The following FGF2 variants were observed in gnomAD, a reference collection of about 807,000 sequenced individuals.
FGF2 encodes basic fibroblast growth factor bFGF.
A neutral mutation model predicts 15.9 loss-of-function variants in FGF2; 13 were observed. The ratio of observed to expected loss-of-function variants is 0.82; its 90% CI spans 0.53 to 1.30. The LOEUF is 1.30. Among genes scored for constraint, FGF2 ranks in the 50% most tolerant of loss-of-function variants. The pLI is 0.00. For synonymous variants in FGF2, 90 were observed against 78.4 expected (o/e 1.15, Z -0.78); for missense variants, 163 against 196.9 (o/e 0.83, Z 1.03).
At position 122,827,039 on chromosome 4, in the gene FGF2, GC is replaced by G; in HGVS notation, c.-134del. The G allele has an allele frequency of 8.7e-7, 1 of 1,155,268 alleles. No homozygotes were observed. The highest frequency in any genetic ancestry group is 1.1e-6 in the Non-Finnish European group (1 of 939,526). The allele number at this position is 1,155,268 out of a possible 1,614,324, so 71.6% of individuals were successfully genotyped here. A position where few individuals can be genotyped will look rare whatever the true frequency, so the allele number is the denominator to read the frequency against. ...GGGACCGCGGGCGCGGCCGCGCGCT[GC>G]CGGGCGGGAGGCTGGGGGGCCGGGG... is the stretch of plus-strand genomic sequence containing the variant. On this transcript the variant is annotated 5_prime_UTR_variant, in exon 1 of 3. Coordinates refer to ENST00000644866, the MANE Select transcript of FGF2 (RefSeq NM_001361665.2). The surrounding 1 kb of genome is among the most constrained non-coding windows in gnomAD (Gnocchi z 4.2).
intron 2 of FGF2, among the ~76,000 whole-genome samples, chr4:122,885,431 A>C (rs1727036827): frequency 6.6e-6 from 1 of 152,226 alleles, no homozygotes; most frequent in South Asian, 2.1e-4. Flanking sequence ...ACAGGAATGC[A>C]TGAGGTGCTT....
intron 2 of FGF2, among the ~76,000 whole-genome samples, chr4:122,890,645 A>T (rs1315239673): frequency 6.6e-6 from 1 of 152,066 alleles, no homozygotes; most frequent in African/African-American, 2.4e-5. Flanking sequence ...TTGCCAATTA[A>T]TTTATGTTTT....
At chr4:122,858,202 G>T (rs1310861776) in intron 1 of FGF2, among the ~76,000 whole-genome samples, 1 of 152,016 alleles carries the variant, frequency 6.6e-6, no homozygotes, top group Non-Finnish European at 1.5e-5. Flanking sequence ...GTGTGGTTTT[G>T]GGCTTCTGGG....
chr4:122,836,605 GTC>G (rs1725871937), intron 1 of FGF2, among the ~76,000 whole-genome samples: 1 of 152,114 alleles, frequency 6.6e-6, no homozygotes, highest in Non-Finnish European at 1.5e-5. Flanking sequence ...TATTCTGAGG[GTC>G]TGAGGCTGAA....
intron 1 of FGF2, among the ~76,000 whole-genome samples, chr4:122,828,098 C>G (rs915041448): frequency 4.6e-5 from 7 of 152,320 alleles, no homozygotes; most frequent in African/African-American, 1.4e-4. Flanking sequence ...TACCTTGCAG[C>G]AGGCTTGAGG....
chr4:122,850,230 C>G (rs1190371049), intron 1 of FGF2, among the ~76,000 whole-genome samples: 2 of 151,358 alleles, frequency 1.3e-5, no homozygotes, highest in Admixed American at 1.3e-4. Context: ...CCACTGCACT[C>G]CATCCTGGGC....
At chr4:122,856,027 T>C (rs1391029475) in intron 1 of FGF2, among the ~76,000 whole-genome samples, 2 of 152,088 alleles carry the variant, frequency 1.3e-5, no homozygotes, top group Non-Finnish European at 2.9e-5. Flanking sequence ...CCACAGACCA[T>C]ATGTGTCTCT....
intron 1 of FGF2, among the ~76,000 whole-genome samples, chr4:122,870,175 G>A (rs987480529): frequency 6.6e-6 from 1 of 152,176 alleles, no homozygotes; most frequent in African/African-American, 2.4e-5. Flanking sequence ...GCATCCCAGG[G>A]ATGAAGTCGA....
chr4:122,858,797 T>C (rs987640492), intron 1 of FGF2, among the ~76,000 whole-genome samples: 3 of 151,906 alleles, frequency 2.0e-5, no homozygotes, highest in East Asian at 1.9e-4. Context: ...TGATGGCTGA[T>C]GGAAGAAAAA....
intron 2 of FGF2, 72 bp downstream of exon 2, chr4:122,876,496 T>G: frequency 6.4e-6 from 6 of 930,532 alleles, no homozygotes; most frequent in Non-Finnish European, 1.1e-5. Context: ...CATTGTTGTT[T>G]ATCAAATCTT....
chr4:122,836,131 T>C (rs1725861362), intron 1 of FGF2, among the ~76,000 whole-genome samples: 1 of 152,222 alleles, frequency 6.6e-6, no homozygotes, highest in South Asian at 2.1e-4. Flanking sequence ...GTTAGTGGTT[T>C]ATGTGTCTGG....
In FGF2 at chr4:122,893,444, T is replaced by G; in HGVS notation, c.*1048T>G. The G allele has an allele frequency of 2.3e-6, 1 of 439,684 alleles. No individual in the cohort carries two copies. Among genetic ancestry groups the G allele is most frequent in the Non-Finnish European group, 3.9e-6 (1 of 255,180 alleles). 27.2% of individuals were successfully genotyped at this position (439,684 alleles called of 1,614,324 possible). ...AGAAGCTTTTGAAATGCTGAATATT[T>G]CTTTGGCTGCTACTTGGAGGCTTAT... On this transcript the variant is annotated 3_prime_UTR_variant, in exon 3 of 3. Coordinates refer to ENST00000644866, the MANE Select transcript of FGF2 (RefSeq NM_001361665.2).
At chr4:122,862,239 T>C (rs1726486668) in intron 1 of FGF2, among the ~76,000 whole-genome samples, 1 of 152,226 alleles carries the variant, frequency 6.6e-6, no homozygotes, top group African/African-American at 2.4e-5. Context: ...CCAAAAACCA[T>C]ATTCTTTCAC....
intron 1 of FGF2, among the ~76,000 whole-genome samples, chr4:122,859,852 AG>A (rs1343111839): frequency 6.6e-6 from 1 of 152,214 alleles, no homozygotes; most frequent in African/African-American, 2.4e-5. Context: ...AACTTCTTGA[AG>A]GAGTTGTTCG....
At position 122,827,370 on chromosome 4, in the gene FGF2, C is replaced by T. The variant is rs370928166; in HGVS notation, c.178+18C>T. ...CCCTCACAGTGAGTGCCGACCCGCT[C>T]TCTCCGCCTCATTTCCATTTCGTGG... On this transcript the variant is annotated intron_variant, in intron 1 of 2. Coordinates refer to ENST00000644866, the MANE Select transcript of FGF2 (RefSeq NM_001361665.2). This position sits in a 1 kb window ranked among gnomAD's most constrained non-coding sequence, Gnocchi z 4.2. 3.3e-5 allele frequency: 54 copies of T among 1,612,422 alleles called. No homozygotes were observed. In the African/African-American group the frequency reaches 6.1e-4, roughly 18 times the overall value.
Position 122,897,638 on chromosome 4 carries a change from G to A in FGF2, c.*5242G>A. On this transcript the variant is annotated 3_prime_UTR_variant, in exon 3 of 3. Transcript: ENST00000644866. ...AAGATACACACCAATATCTTCTTCA[G>A]GCTCTGACAGGCCTCCTGGAAACTT... 1 of 1,607,294 alleles carries A rather than the reference G, an allele frequency of 6.2e-7. No individual in the cohort carries two copies. The highest frequency in any genetic ancestry group is 1.1e-5 in the South Asian group (1 of 90,934).
chr4:122,879,432 C>T (rs1726918613), intron 2 of FGF2, among the ~76,000 whole-genome samples: 1 of 152,206 alleles, frequency 6.6e-6, no homozygotes, highest in African/African-American at 2.4e-5. Context: ...TTGCACACAA[C>T]ATTTGCTCCT....
chr4:122,880,245 C>CTT (rs569559456), intron 2 of FGF2, among the ~76,000 whole-genome samples: 2,822 of 128,652 alleles, frequency 0.022, 63 homozygotes, highest in Non-Finnish European at 0.035. Context: ...GCAGTCAAAT[C>CTT]TTTTTTTTTT....
intron 2 of FGF2, chr4:122,882,695 G>A (rs1726984624): frequency 6.6e-6 from 1 of 152,206 alleles, no homozygotes; most frequent in Non-Finnish European, 1.5e-5. Flanking sequence ...TAAAAATTCA[G>A]GATTTCTTAG....
Sources: gnomAD v4.1 joint callset for allele counts (sites outside exome capture counted in the v4.1 genomes callset) on GRCh38, gnomAD v4.1.1 for gene constraint, Gnocchi (gnomAD v3.1) non-coding constraint, MANE v1.5 for transcripts, NCBI Gene and HGNC (gene_info 2026-07-23, HGNC 2026-07-21) for gene names.